The following GALNT2 variants were observed in gnomAD, a reference collection of about 807,000 sequenced individuals.
GALNT2 encodes UDP-GalNAc:polypeptide N-acetylgalactosaminyltransferase 2.
GALNT2 carries 31 observed loss-of-function variants against 81.4 expected under a neutral mutation model. The ratio of observed to expected loss-of-function variants is 0.38; its 90% CI spans 0.29 to 0.51. The LOEUF (loss-of-function observed/expected upper bound fraction) is 0.51. Ranked by LOEUF, GALNT2 falls within the 20% of genes least tolerant of loss-of-function variation. The pLI is 0.87. For synonymous variants in GALNT2, 303 were observed against 287.4 expected, an observed-to-expected ratio of 1.05 and a Z score of -0.55; for missense variants, 629 against 765.7, an observed-to-expected ratio of 0.82 and a Z score of 2.11.
intron 1 of GALNT2, among the ~76,000 whole-genome samples, chr1:230,165,151 CTCA>C (rs1334915314): frequency 1.3e-5 from 2 of 152,240 alleles, no homozygotes; most frequent in Non-Finnish European, 2.9e-5. Flanking sequence ...AGAGCCAACA[CTCA>C]TCATTCTCCA....
intron 1 of GALNT2, among the ~76,000 whole-genome samples, chr1:230,120,788 T>C (rs1426419990): frequency 6.6e-6 from 1 of 152,202 alleles, no homozygotes; most frequent in African/African-American, 2.4e-5. Context: ...TTCCAGTGAC[T>C]GTGGCCCCAG....
chr1:230,245,371 G>T (rs1665333975), intron 7 of GALNT2, among the ~76,000 whole-genome samples: 1 of 152,018 alleles, frequency 6.6e-6, no homozygotes, highest in Non-Finnish European at 1.5e-5. Flanking sequence ...GGCTGAGGCA[G>T]TAGAATCACT....
intron 14 of GALNT2, 103 bp from the exon 15 acceptor site, chr1:230,274,341 TC>T: frequency 6.9e-7 from 1 of 1,455,704 alleles, no homozygotes; most frequent in Non-Finnish European, 9.3e-7. Context: ...GAATCTAAGC[TC>T]CACCCCGTGA....
At chr1:230,202,900 T>A (rs150860314) in intron 2 of GALNT2, among the ~76,000 whole-genome samples, 140 of 152,372 alleles carry the variant, frequency 9.2e-4, no homozygotes, top group African/African-American at 3.2e-3. Flanking sequence ...GACAGATGCC[T>A]GTACACCAGG....
intron 7 of GALNT2, among the ~76,000 whole-genome samples, chr1:230,244,102 C>T (rs1282135722): frequency 6.6e-6 from 1 of 151,372 alleles, no homozygotes; most frequent in African/African-American, 2.4e-5. Context: ...TCCTTGGGGG[C>T]GATAAAGCAA....
At chr1:230,109,446 C>G (rs895910860) in intron 1 of GALNT2, among the ~76,000 whole-genome samples, 1 of 152,214 alleles carries the variant, frequency 6.6e-6, no homozygotes, top group Admixed American at 6.5e-5. Flanking sequence ...AGAGGTCTGT[C>G]TGGGACTGGC....
At chr1:230,228,320 T>G (rs1030587678) in intron 3 of GALNT2, among the ~76,000 whole-genome samples, 1 of 151,974 alleles carries the variant, frequency 6.6e-6, no homozygotes, top group African/African-American at 2.4e-5. Flanking sequence ...GAAAAGCAAA[T>G]GGTCACAAAT....
chr1:230,261,154 AATTG>A (rs1418173430), intron 11 of GALNT2, among the ~76,000 whole-genome samples: 2 of 148,822 alleles, frequency 1.3e-5, no homozygotes, highest in African/African-American at 5.0e-5. Flanking sequence ...TTTCATTCCT[AATTG>A]ATTGCTGCCT....
chr1:230,121,024 C>T (rs1390954983), intron 1 of GALNT2, among the ~76,000 whole-genome samples: 2 of 152,210 alleles, frequency 1.3e-5, no homozygotes, highest in Non-Finnish European at 1.5e-5. Context: ...TAGAATGGTA[C>T]GCACCAAGTG....
chr1:230,135,341 A>G (rs1003324453), intron 1 of GALNT2, among the ~76,000 whole-genome samples: 3 of 152,158 alleles, frequency 2.0e-5, no homozygotes, highest in East Asian at 3.9e-4. Context: ...CTGTGGCTCT[A>G]TTTTCTCTTT....
chr1:230,130,380 C>G (rs989762060), intron 1 of GALNT2, among the ~76,000 whole-genome samples: 1 of 152,176 alleles, frequency 6.6e-6, no homozygotes, highest in Non-Finnish European at 1.5e-5. Context: ...AGAAAGCACT[C>G]ACTAGATGCT....
Position 230,267,886 on chromosome 1 carries a change from G to A in GALNT2, c.1440+2519G>A, listed in dbSNP as rs568689971. 1.4e-4 allele frequency among the ~76,000 whole-genome samples: 22 copies of A among 152,330 alleles called. No individual in the cohort carries two copies. In the South Asian group the frequency reaches 4.6e-3, roughly 32 times the overall value. On this transcript the variant is annotated intron_variant, in intron 14 of 15. Transcript: ENST00000366672. ...CTCAGTCACTGCTGGGAAGCGGGGG[G>A]CCCAGGGGACTCACTCAGAGGTGAT... is the stretch of plus-strand genomic sequence containing the variant.
intron 3 of GALNT2, among the ~76,000 whole-genome samples, chr1:230,224,146 C>T (rs1664637014): frequency 6.6e-6 from 1 of 152,118 alleles, no homozygotes; most frequent in Non-Finnish European, 1.5e-5. Flanking sequence ...ATGGTGGGCA[C>T]CAGGAGGCAG....
At chr1:230,095,568 G>A (rs569885486) in intron 1 of GALNT2, among the ~76,000 whole-genome samples, 30 of 123,062 alleles carry the variant, frequency 2.4e-4, no homozygotes, top group Middle Eastern at 4.3e-3. Flanking sequence ...GAAGTGGAAC[G>A]TCTTTCTGGG....
At chr1:230,269,062 C>A (rs1036325652) in intron 14 of GALNT2, among the ~76,000 whole-genome samples, 1 of 152,140 alleles carries the variant, frequency 6.6e-6, no homozygotes, top group African/African-American at 2.4e-5. Context: ...CCTTCCTTTC[C>A]AGCAGTAAGT....
chr1:230,221,133 T>G (rs1008347064), intron 3 of GALNT2, among the ~76,000 whole-genome samples: 2 of 152,196 alleles, frequency 1.3e-5, no homozygotes, highest in African/African-American at 4.8e-5. Flanking sequence ...ATAAATACAA[T>G]GACAGTAAAA....
intron 1 of GALNT2, among the ~76,000 whole-genome samples, chr1:230,089,682 T>C (rs1240103227): frequency 6.6e-6 from 1 of 152,246 alleles, no homozygotes; most frequent in African/African-American, 2.4e-5. Flanking sequence ...TCCTTTTGAA[T>C]TGGCTTATTT....
chr1:230,227,562 CAT>C (rs574499167), intron 3 of GALNT2, among the ~76,000 whole-genome samples: 16 of 145,920 alleles, frequency 1.1e-4, no homozygotes, highest in Non-Finnish European at 1.1e-4. Context: ...ATAATACAGC[CAT>C]ATATATATAT....
At chr1:230,240,663 GT>G (rs35147394) in intron 6 of GALNT2, among the ~76,000 whole-genome samples, 86 of 144,434 alleles carry the variant, frequency 6.0e-4, no homozygotes, top group East Asian at 1.8e-3. Flanking sequence ...CTCTATATCT[GT>G]TTTTTTTTTT....
Sources: allele counts gnomAD v4.1 joint callset (sites outside exome capture counted in the v4.1 genomes callset), GRCh38; gene constraint gnomAD v4.1.1; transcripts MANE v1.5; gene names NCBI Gene and HGNC (gene_info 2026-07-23, HGNC 2026-07-21).